Variants in XKR9 observed in about 807,000 individuals in gnomAD.
XKR9 encodes the protein XK-related protein 9.
Under a neutral mutation model 32.0 loss-of-function variants are expected in XKR9, and 32 were observed. That is an observed-to-expected ratio of 1.00 (90% CI 0.76 to 1.34). The LOEUF is 1.34. Ranked by LOEUF, XKR9 falls within the 40% of genes most tolerant of loss-of-function variation. The pLI is 0.00. For synonymous variants in XKR9, 168 were observed against 143.4 expected (o/e 1.17, Z -1.22); for missense variants, 546 against 429.7 (o/e 1.27, Z -2.39).
intron 2 of XKR9, among the ~76,000 whole-genome samples, chr8:70,771,263 A>G (rs565023127): frequency 5.9e-5 from 9 of 152,146 alleles, no homozygotes; most frequent in African/African-American, 9.7e-5. Context: ...ACCAGTCCCA[A>G]TGAGATGAAC....
chr8:70,847,717 C>T, the XKR9 span, among the ~76,000 whole-genome samples: 1 of 151,772 alleles, frequency 6.6e-6, no homozygotes, highest in African/African-American at 2.4e-5. Flanking sequence ...ATTAGAAAAC[C>T]TAGAGGAAAT....
chr8:70,864,165 TC>T, the XKR9 span, among the ~76,000 whole-genome samples: 2 of 152,120 alleles, frequency 1.3e-5, no homozygotes, highest in African/African-American at 4.8e-5. Context: ...ATTTGTGCTT[TC>T]CCCCCCTAAA....
exon 3 of XKR9, chr8:70,789,435 G>A (rs2130266642): frequency 6.6e-6 from 1 of 152,148 alleles, no homozygotes; most frequent in East Asian, 1.9e-4. Context: ...ATCATTCTCA[G>A]AGAACAGAAA....
chr8:70,956,982 A>G, the XKR9 span, among the ~76,000 whole-genome samples: 20 of 152,274 alleles, frequency 1.3e-4, 1 homozygote, highest in East Asian at 3.9e-3. Flanking sequence ...ATAGGGGGGC[A>G]GGACTCCTGC....
intron 4 of XKR9, among the ~76,000 whole-genome samples, chr8:70,717,047 A>C (rs1806116804): frequency 1.3e-5 from 2 of 152,220 alleles, no homozygotes; most frequent in Admixed American, 1.3e-4. Context: ...CTTTGACTTC[A>C]TGTCTCACAT....
the XKR9 span, among the ~76,000 whole-genome samples, chr8:70,973,638 C>G: frequency 2.6e-5 from 4 of 151,996 alleles, no homozygotes; most frequent in African/African-American, 7.2e-5. Flanking sequence ...TTGCTGTATC[C>G]CAATGGGTTT....
At chr8:71,021,601 C>T in the XKR9 span, among the ~76,000 whole-genome samples, 1 of 149,130 alleles carries the variant, frequency 6.7e-6, no homozygotes, top group African/African-American at 2.5e-5. Context: ...CTCCCGGGTT[C>T]ACGCCATTCT....
intron 3 of XKR9, among the ~76,000 whole-genome samples, chr8:70,704,610 A>G (rs1586836215): frequency 6.6e-6 from 1 of 152,208 alleles, no homozygotes; most frequent in Non-Finnish European, 1.5e-5. Context: ...TGGCATTATT[A>G]GAGTCTTGCA....
At chr8:70,783,508 A>C (rs756214688) in intron 2 of XKR9, among the ~76,000 whole-genome samples, 7 of 152,122 alleles carry the variant, frequency 4.6e-5, no homozygotes, top group African/African-American at 9.7e-5. Context: ...TCTTTTGAGA[A>C]AGTCTATTTA....
At chr8:70,778,249 A>G (rs1807560884) in intron 2 of XKR9, among the ~76,000 whole-genome samples, 1 of 152,132 alleles carries the variant, frequency 6.6e-6, no homozygotes, top group Non-Finnish European at 1.5e-5. Flanking sequence ...CAAAGATCAG[A>G]TGGTTGTAGA....
intron 4 of XKR9, among the ~76,000 whole-genome samples, chr8:70,733,106 C>T (rs982374956): frequency 1.3e-5 from 2 of 152,008 alleles, no homozygotes; most frequent in African/African-American, 4.8e-5. Flanking sequence ...GACTCCATCT[C>T]AAAAAGAAGG....
chr8:71,025,768 C>G, the XKR9 span, among the ~76,000 whole-genome samples: 4 of 152,148 alleles, frequency 2.6e-5, no homozygotes, highest in Non-Finnish European at 5.9e-5. Flanking sequence ...CTGTTCTGTT[C>G]TACTAAAGGA....
the XKR9 span, among the ~76,000 whole-genome samples, chr8:70,999,633 C>T: frequency 2.0e-5 from 3 of 152,142 alleles, no homozygotes; most frequent in African/African-American, 4.8e-5. Context: ...CTGCCTTTGT[C>T]ATTGAAATAC....
the XKR9 span, among the ~76,000 whole-genome samples, chr8:71,044,121 A>T: frequency 6.6e-6 from 1 of 152,218 alleles, no homozygotes; most frequent in Admixed American, 6.6e-5. Flanking sequence ...AGCTGAACAT[A>T]TGCTTATGCC....
chr8:70,953,354 T>C, the XKR9 span, among the ~76,000 whole-genome samples: 1 of 152,200 alleles, frequency 6.6e-6, no homozygotes, highest in African/African-American at 2.4e-5. Flanking sequence ...CTCTGTCACC[T>C]AGGCTGGAGT....
At chr8:70,922,583 G>A in the XKR9 span, among the ~76,000 whole-genome samples, 32 of 152,294 alleles carry the variant, frequency 2.1e-4, no homozygotes, top group Middle Eastern at 0.01. Flanking sequence ...GAGATGAAGA[G>A]GGCAAGATAA....
chr8:70,947,709 G>C, the XKR9 span, among the ~76,000 whole-genome samples: 3 of 152,162 alleles, frequency 2.0e-5, no homozygotes, highest in African/African-American at 7.2e-5. Context: ...GTTATACCAG[G>C]ACTATTTGGA....
At chr8:70,819,238 T>A in the XKR9 span, among the ~76,000 whole-genome samples, 2 of 152,252 alleles carry the variant, frequency 1.3e-5, no homozygotes, top group Admixed American at 1.3e-4. Flanking sequence ...ATTGATAAGA[T>A]GCCTGCATAT....
chr8:70,876,707 A>T, the XKR9 span, among the ~76,000 whole-genome samples: 1,529 of 152,240 alleles, frequency 0.01, 23 homozygotes, highest in African/African-American at 0.035. Flanking sequence ...TTTAGTAAAA[A>T]CCAAAAGAGT....
Sources: allele counts gnomAD v4.1 joint callset (sites outside exome capture counted in the v4.1 genomes callset), GRCh38; gene constraint gnomAD v4.1.1; transcripts MANE v1.5; gene names NCBI Gene and HGNC (gene_info 2026-07-23, HGNC 2026-07-21).